Variants in WIF1 observed in about 807,000 individuals in gnomAD.
The protein encoded by WIF1 is Wnt inhibitory factor 1.
Under a neutral mutation model 53.5 loss-of-function variants are expected in WIF1, and 35 were observed. The ratio of observed to expected loss-of-function variants is 0.65; its 90% CI spans 0.50 to 0.87. The LOEUF is 0.87. WIF1 is among the 40% of genes least tolerant of loss of function. The pLI is 0.00. For missense variants in WIF1, 467 were observed against 476.8 expected (o/e 0.98, Z 0.19); for synonymous variants, 171 against 170.4 (o/e 1.00, Z -0.03).
chr12:65,081,368 A>G (rs1287638836), intron 2 of WIF1, among the ~76,000 whole-genome samples: 2 of 152,192 alleles, frequency 1.3e-5, no homozygotes, highest in Non-Finnish European at 2.9e-5. Context: ...ATGGAACTGA[A>G]AAAATTCCAT....
intron 2 of WIF1, among the ~76,000 whole-genome samples, chr12:65,100,048 G>A (rs1883257311): frequency 6.6e-6 from 1 of 151,998 alleles, no homozygotes; most frequent in African/African-American, 2.4e-5. Context: ...AAATGCATGT[G>A]CACATGTATA....
At chr12:65,077,460 T>G (rs1051747125) in intron 3 of WIF1, among the ~76,000 whole-genome samples, 2 of 152,214 alleles carry the variant, frequency 1.3e-5, no homozygotes, top group Non-Finnish European at 2.9e-5. Flanking sequence ...TCACCAGATG[T>G]GTTTCTTTCT....
intron 3 of WIF1, among the ~76,000 whole-genome samples, chr12:65,073,958 T>A (rs907115019): frequency 1.1e-4 from 16 of 152,272 alleles, no homozygotes; most frequent in African/African-American, 3.4e-4. Flanking sequence ...TATGTGTTCA[T>A]ATCACCTGGT....
At chr12:65,116,473 C>T (rs1883512276) in intron 2 of WIF1, among the ~76,000 whole-genome samples, 1 of 151,910 alleles carries the variant, frequency 6.6e-6, no homozygotes, top group South Asian at 2.1e-4. Context: ...TCAGATGGGA[C>T]CATCTAGTTG....
At chr12:65,092,853 A>C (rs1479633425) in intron 2 of WIF1, among the ~76,000 whole-genome samples, 2 of 151,998 alleles carry the variant, frequency 1.3e-5, no homozygotes, top group African/African-American at 4.8e-5. Context: ...TAACAAGATC[A>C]GTTTTAAACA....
rs1441045430 is a variant in WIF1, at chr12:65,120,480, C to T, written c.225G>A (p.Gln75=). 2.5e-6 allele frequency: 4 copies of T among 1,614,200 alleles called. No individual in the cohort carries two copies. Among genetic ancestry groups the T allele is most frequent in the South Asian group, 2.2e-5 (2 of 91,082 alleles). ...PFTHDFRKAQ[Q]RMPAIPVNIH... ...TATTGACAGGAATAGCTGGCATTCT[C>T]TGTTGTGCTTTTCTGAAATCATGTG... Residue 75 remains glutamine, a synonymous_variant, in exon 2 of 10, where the codon CAG becomes CAA. Coordinates refer to ENST00000286574, the MANE Select transcript of WIF1 (RefSeq NM_007191.5).
chr12:65,053,323 T>C (rs1040058138), intron 9 of WIF1, among the ~76,000 whole-genome samples: 2 of 152,142 alleles, frequency 1.3e-5, no homozygotes, highest in Admixed American at 6.6e-5. Flanking sequence ...TGTAGTGATA[T>C]GGTTTGCCTG....
intron 3 of WIF1, among the ~76,000 whole-genome samples, chr12:65,069,325 T>C (rs1882737188): frequency 6.6e-6 from 1 of 152,180 alleles, no homozygotes; most frequent in South Asian, 2.1e-4. Context: ...CTTTGTGGCA[T>C]CTTCATCAGC....
intron 2 of WIF1, 81 bp downstream of exon 2, chr12:65,120,336 C>T: frequency 1.5e-6 from 2 of 1,348,450 alleles, no homozygotes; most frequent in Middle Eastern, 2.0e-4. Context: ...GTAAAATGTA[C>T]CAGGCTACAC....
intron 3 of WIF1, among the ~76,000 whole-genome samples, chr12:65,069,107 G>A (rs1882733783): frequency 6.6e-6 from 1 of 152,148 alleles, no homozygotes; most frequent in African/African-American, 2.4e-5. Context: ...TGAAGAAAGA[G>A]TGAATGACTC....
At chr12:65,094,322 A>G (rs73131206) in intron 2 of WIF1, among the ~76,000 whole-genome samples, 1,656 of 152,260 alleles carry the variant, frequency 0.011, 19 homozygotes, top group Non-Finnish European at 0.017. Flanking sequence ...TATCGGGGGG[A>G]AAATACTTTT....
chr12:65,055,305 G>A (rs1004921182), intron 8 of WIF1, 92 bp from the exon 9 acceptor site: 3 of 1,396,792 alleles, frequency 2.1e-6, no homozygotes, highest in Non-Finnish European at 1.9e-6. Flanking sequence ...TTTAGAATGT[G>A]TTAGTTTTGG....
At chr12:65,099,948 G>T (rs1323716060) in intron 2 of WIF1, among the ~76,000 whole-genome samples, 1 of 151,908 alleles carries the variant, frequency 6.6e-6, no homozygotes, top group Non-Finnish European at 1.5e-5. Flanking sequence ...AGCATTAGGA[G>T]AATATATTAT....
intron 6 of WIF1, among the ~76,000 whole-genome samples, chr12:65,063,539 C>A (rs771636737): frequency 2.0e-5 from 3 of 151,914 alleles, no homozygotes; most frequent in Non-Finnish European, 4.4e-5. Flanking sequence ...GAAAAGAAAT[C>A]CAAAAGTTCT....
At chr12:65,062,092 AG>A (rs1040476706) in intron 7 of WIF1, among the ~76,000 whole-genome samples, 4 of 152,180 alleles carry the variant, frequency 2.6e-5, no homozygotes, top group African/African-American at 9.7e-5. Context: ...AGTGAGCGGC[AG>A]GGGAAACAGG....
chr12:65,077,844 A>G lies in WIF1; in HGVS notation c.299T>C (p.Phe100Ser). ...TWQAAGQAEY[F>S]YEFLSLRSLD... ...GGAGCGCAAGGACAGGAATTCATAGAAGTATTCTGCCTACAACCAAAGGCA... is the reference window on the plus strand; with the variant it reads ...GGAGCGCAAGGACAGGAATTCATAGGAGTATTCTGCCTACAACCAAAGGCA... Residue 100 changes from phenylalanine (F) to serine (S), a missense_variant, in exon 3 of 10, where the codon TTC becomes TCC. Transcript: ENST00000286574. The G allele has an allele frequency of 2.5e-6, 4 of 1,613,474 alleles. No homozygotes were observed. The highest frequency in any genetic ancestry group is 3.4e-6 in the Non-Finnish European group (4 of 1,179,644).
chr12:65,105,674 G>A (rs1416591917), intron 2 of WIF1, among the ~76,000 whole-genome samples: 1 of 152,108 alleles, frequency 6.6e-6, no homozygotes, highest in South Asian at 2.1e-4. Flanking sequence ...CACTTTCATG[G>A]AAACTAATCC....
intron 3 of WIF1, among the ~76,000 whole-genome samples, chr12:65,072,084 T>C (rs180837059): frequency 8.5e-5 from 13 of 152,292 alleles, no homozygotes; most frequent in Admixed American, 8.5e-4. Flanking sequence ...TTAAACACCT[T>C]TTAAAAGTTT....
intron 2 of WIF1, among the ~76,000 whole-genome samples, chr12:65,078,968 C>A (rs1882905194): frequency 6.6e-6 from 1 of 152,016 alleles, no homozygotes; most frequent in Non-Finnish European, 1.5e-5. Context: ...AGTTCGAGAC[C>A]AGTCTGGCCA....
Sources: gnomAD v4.1 joint callset for allele counts (sites outside exome capture counted in the v4.1 genomes callset) on GRCh38, gnomAD v4.1.1 for gene constraint, MANE v1.5 for transcripts, NCBI Gene and HGNC (gene_info 2026-07-23, HGNC 2026-07-21) for gene names.